ADCY5: variants seen among roughly 807,000 people sequenced by gnomAD.
The protein encoded by ADCY5 is adenylate cyclase type 5.
A neutral mutation model predicts 119.7 loss-of-function variants in ADCY5; 30 were observed. The ratio of observed to expected loss-of-function variants is 0.25; its 90% CI spans 0.19 to 0.34. The LOEUF is 0.34. Among genes scored for constraint, ADCY5 ranks in the 10% least tolerant of loss-of-function variants. The probability of loss-of-function intolerance (pLI) is 1.00; values close to 1 mark genes in which losing one functional copy is unlikely to be tolerated. For synonymous variants in ADCY5, 753 were observed against 762.2 expected (o/e 0.99, Z 0.20); for missense variants, 1,324 against 1,775.2 (o/e 0.75, Z 4.57).
At chr3:123,401,012 A>G (rs758284991) in intron 1 of ADCY5, among the ~76,000 whole-genome samples, 25 of 149,034 alleles carry the variant, frequency 1.7e-4, no homozygotes, top group Non-Finnish European at 3.0e-4. Context: ...GAAAGCAGTT[A>G]AATTTTAAAA....
At position 123,448,534 on chromosome 3, in the gene ADCY5, G is replaced by C; in HGVS notation, c.12C>G (p.Ser4=). 7.9e-7 allele frequency: 1 copy of C among 1,265,930 alleles called. No individual in the cohort carries two copies. Among genetic ancestry groups the C allele is most frequent in the Non-Finnish European group, 9.9e-7 (1 of 1,007,220 alleles). 78.4% of individuals were successfully genotyped at this position (1,265,930 alleles called of 1,614,324 possible). The part of the protein sequence containing the change: MSG[S]KSVSPPGYAA... ...CGTAGCCCGGGGGGCTCACGCTTTTGGAGCCGGACATCCCCCCCTCGGCCT... is the reference window on the plus strand; with the variant it reads ...CGTAGCCCGGGGGGCTCACGCTTTTCGAGCCGGACATCCCCCCCTCGGCCT... Residue 4 remains serine, a synonymous_variant, in exon 1 of 21, where the codon TCC becomes TCG. Transcript: ENST00000462833.
rs956754804 is a variant in ADCY5, at chr3:123,283,930, G to T, written c.*678C>A. On this transcript the variant is annotated 3_prime_UTR_variant, in exon 21 of 21. Coordinates refer to ENST00000462833, the MANE Select transcript of ADCY5 (RefSeq NM_183357.3). ...ATACAACTAGCATAGTCTAAAGAAGGGCACGGAGAACTTGTTTTGTTTTAT... is the reference window on the plus strand; with the variant it reads ...ATACAACTAGCATAGTCTAAAGAAGTGCACGGAGAACTTGTTTTGTTTTAT... The T allele has an allele frequency of 2.0e-5, 3 of 152,162 alleles. No individual in the cohort carries two copies. The highest frequency in any genetic ancestry group is 4.4e-5 in the Non-Finnish European group (3 of 68,052). 9.4% of individuals were successfully genotyped at this position (152,162 alleles called of 1,614,324 possible).
chr3:123,439,739 G>A (rs913220350), intron 1 of ADCY5, among the ~76,000 whole-genome samples: 2 of 152,206 alleles, frequency 1.3e-5, no homozygotes, highest in Non-Finnish European at 2.9e-5. Flanking sequence ...AGCCTGGGCT[G>A]AAGGCGGTCC....
intron 1 of ADCY5, among the ~76,000 whole-genome samples, chr3:123,413,919 C>T (rs1379898005): frequency 2.0e-5 from 3 of 152,270 alleles, no homozygotes; most frequent in Middle Eastern, 3.4e-3. Context: ...AGCCCAGCTG[C>T]GAACTGTGTG....
At chr3:123,410,061 T>C (rs1405185609) in intron 1 of ADCY5, among the ~76,000 whole-genome samples, 1 of 152,172 alleles carries the variant, frequency 6.6e-6, no homozygotes, top group East Asian at 1.9e-4. Context: ...TGTGGCCCCA[T>C]AGCCCTGAGG....
intron 1 of ADCY5, among the ~76,000 whole-genome samples, chr3:123,401,236 T>C (rs879637706): frequency 8.5e-5 from 13 of 152,166 alleles, no homozygotes; most frequent in Non-Finnish European, 1.5e-4. Context: ...AGAGCACGCA[T>C]GGCTCTAACA....
At chr3:123,319,839 G>A in intron 9 of ADCY5, 21 bp from the exon 10 acceptor site, 1 of 1,609,372 alleles carries the variant, frequency 6.2e-7, no homozygotes, top group Non-Finnish European at 8.5e-7. Flanking sequence ...GAAGGCACGG[G>A]CGTGAGACAG....
chr3:123,415,377 C>T (rs772670361), intron 1 of ADCY5, among the ~76,000 whole-genome samples: 30 of 152,182 alleles, frequency 2.0e-4, no homozygotes, highest in Non-Finnish European at 5.9e-5. Flanking sequence ...GTGGGCCCGC[C>T]AGGTGTCAGT....
chr3:123,359,525 C>T (rs1943170104), intron 1 of ADCY5, among the ~76,000 whole-genome samples: 1 of 151,676 alleles, frequency 6.6e-6, no homozygotes, highest in Non-Finnish European at 1.5e-5. Context: ...AGATCTTCCT[C>T]CACCTATGAG....
intron 9 of ADCY5, 88 bp downstream of exon 9, chr3:123,320,661 T>C (rs1236231108): frequency 2.6e-6 from 4 of 1,524,900 alleles, no homozygotes; most frequent in African/African-American, 2.7e-5. Context: ...TCATTTTCCA[T>C]GGAGTGTGGA....
chr3:123,449,002 G>T lies in ADCY5; in HGVS notation c.-457C>A. 6.3e-6 allele frequency: 1 copy of T among 157,922 alleles called. No individual in the cohort carries two copies. The highest frequency in any genetic ancestry group is 1.9e-4 in the South Asian group (1 of 5,308). 9.8% of individuals were successfully genotyped at this position (157,922 alleles called of 1,614,324 possible). On this transcript the variant is annotated 5_prime_UTR_variant, in exon 1 of 21. Transcript: ENST00000462833. Reference sequence around the variant, plus strand: ...CCTAAGCGGAGCCCAGCTGCTCTCGGGGCTCGGCGGCGGCGAGGGCGGCTC... The same window carrying T: ...CCTAAGCGGAGCCCAGCTGCTCTCGTGGCTCGGCGGCGGCGAGGGCGGCTC...
At chr3:123,367,871 A>C in intron 1 of ADCY5, 1 of 1,514,882 alleles carries the variant, frequency 6.6e-7, no homozygotes. Flanking sequence ...AACACCAAAG[A>C]GAAAATGAAA....
chr3:123,310,264 G>A (rs944227332), intron 12 of ADCY5, among the ~76,000 whole-genome samples: 1 of 152,050 alleles, frequency 6.6e-6, no homozygotes, highest in African/African-American at 2.4e-5. Context: ...TAGATCAGGC[G>A]GTGGGGAAAG....
chr3:123,315,233 G>A (rs955908017), intron 11 of ADCY5, among the ~76,000 whole-genome samples: 1 of 152,216 alleles, frequency 6.6e-6, no homozygotes, highest in Non-Finnish European at 1.5e-5. Context: ...ACACCTCTAG[G>A]GAGGATTCAA....
intron 1 of ADCY5, among the ~76,000 whole-genome samples, chr3:123,382,387 T>C (rs1408445763): frequency 6.6e-6 from 1 of 152,026 alleles, no homozygotes; most frequent in Non-Finnish European, 1.5e-5. Context: ...AAAAATAAGA[T>C]TACCATAGGA....
chr3:123,328,790 C>T lies in ADCY5; in HGVS notation c.1659G>A (p.Glu553=), dbSNP rs1299687387. The part of the protein sequence containing the change: ...DMIEAISLVR[E]VTGVNVNMRV... ...GCATGTTCACGTTCACCCCTGTCAC[C>T]TCCCGGACCAACCTGGGGATGGAGC... The change falls in exon 6 of 21, where the codon GAG becomes GAA. Residue 553 remains glutamate, a synonymous_variant. Coordinates refer to ENST00000462833, the MANE Select transcript of ADCY5 (RefSeq NM_183357.3). 6.2e-7 allele frequency: 1 copy of T among 1,614,234 alleles called. No homozygotes were observed. The highest frequency in any genetic ancestry group is 1.1e-5 in the South Asian group (1 of 91,084).
chr3:123,293,843 A>C (rs951120707), intron 17 of ADCY5, among the ~76,000 whole-genome samples: 14 of 152,216 alleles, frequency 9.2e-5, no homozygotes, highest in African/African-American at 3.4e-4. Flanking sequence ...AGCAGCGAGC[A>C]CACCAAACGC....
chr3:123,320,651 T>A, intron 9 of ADCY5, 98 bp downstream of exon 9: 2 of 1,492,466 alleles, frequency 1.3e-6, no homozygotes, highest in South Asian at 2.3e-5. Context: ...GCAAGAGGAG[T>A]CATTTTCCAT....
chr3:123,444,184 T>TTATGG (rs2107655633), intron 1 of ADCY5, among the ~76,000 whole-genome samples: 1 of 152,214 alleles, frequency 6.6e-6, no homozygotes, highest in African/African-American at 2.4e-5. Context: ...CCAGTGTTAT[T>TTATGG]TATGGTATGG....
Sources: allele counts gnomAD v4.1 joint callset (sites outside exome capture counted in the v4.1 genomes callset), GRCh38; gene constraint gnomAD v4.1.1; transcripts MANE v1.5; gene names NCBI Gene and HGNC (gene_info 2026-07-23, HGNC 2026-07-21).